Variants in RBM20 observed in about 807,000 individuals in gnomAD.
The protein encoded by RBM20 is RNA binding motif protein 20, also known as RNA-binding protein 20.
RBM20 carries 51 observed loss-of-function variants against 110.1 expected under a neutral mutation model. The observed-to-expected ratio is 0.46, with a 90% CI of 0.37 to 0.59. The LOEUF is 0.59. Ranked by LOEUF, RBM20 falls within the 20% of genes least tolerant of loss-of-function variation. The pLI, the probability that RBM20 is intolerant of heterozygous loss-of-function variation, is 0.00. For synonymous variants in RBM20, 589 were observed against 618.2 expected, an observed-to-expected ratio of 0.95 and a Z score of 0.70; for missense variants, 1,512 against 1,574.9, an observed-to-expected ratio of 0.96 and a Z score of 0.68.
chr10:110,732,799 C>T (rs147954981), intron 1 of RBM20, among the ~76,000 whole-genome samples: 2 of 152,260 alleles, frequency 1.3e-5, no homozygotes, highest in East Asian at 1.9e-4. Flanking sequence ...GAAGACCTCA[C>T]TGGAAATCAT....
intron 1 of RBM20, among the ~76,000 whole-genome samples, chr10:110,649,884 A>G (rs1186559642): frequency 6.6e-6 from 1 of 152,194 alleles, no homozygotes; most frequent in Non-Finnish European, 1.5e-5. Context: ...CTGGATGCCT[A>G]ATACTGCATG....
rs546106850 is a variant in RBM20, at chr10:110,755,432, A to G, written c.192-25369A>G. ...TCAGCTCTTCAGTGTTTTTATGGTT[A>G]CTTACTCAGAGTTGTTTTTAGCTGA... On this transcript the variant is annotated intron_variant, in intron 1 of 13. Transcript: ENST00000369519. 2.6e-5 allele frequency among the ~76,000 whole-genome samples: 4 copies of G among 152,296 alleles called. No homozygotes were observed. The East Asian group carries it at 7.7e-4, about 29-fold the overall frequency.
chr10:110,763,677 T>C (rs1844037715), intron 1 of RBM20, among the ~76,000 whole-genome samples: 1 of 151,996 alleles, frequency 6.6e-6, no homozygotes. Flanking sequence ...AAAAGTTACA[T>C]TTCTAAGTAA....
At chr10:110,789,610 C>T (rs1008788871) in intron 5 of RBM20, among the ~76,000 whole-genome samples, 2 of 152,162 alleles carry the variant, frequency 1.3e-5, no homozygotes, top group Non-Finnish European at 2.9e-5. Flanking sequence ...GCATGTGCCA[C>T]CAGACTCAGC....
At chr10:110,803,939 C>T (rs1323438609) in intron 7 of RBM20, among the ~76,000 whole-genome samples, 2 of 151,284 alleles carry the variant, frequency 1.3e-5, no homozygotes, top group African/African-American at 4.9e-5. Flanking sequence ...CTTGGTTTCT[C>T]TCCACGCTGC....
intron 1 of RBM20, among the ~76,000 whole-genome samples, chr10:110,693,369 A>G (rs1028608730): frequency 1.9e-4 from 29 of 152,178 alleles, no homozygotes; most frequent in African/African-American, 7.0e-4. Flanking sequence ...GGTAGAATTT[A>G]CCAGTGAAGC....
intron 13 of RBM20, 92 bp from the exon 14 acceptor site, chr10:110,835,776 A>G: frequency 7.7e-7 from 1 of 1,299,474 alleles, no homozygotes; most frequent in Non-Finnish European, 1.1e-6. Flanking sequence ...AGATGCCAGG[A>G]GAGGGATGAT....
At chr10:110,705,716 A>T (rs1862827476) in intron 1 of RBM20, among the ~76,000 whole-genome samples, 1 of 152,236 alleles carries the variant, frequency 6.6e-6, no homozygotes, top group Admixed American at 6.5e-5. Context: ...GGTTGCAATA[A>T]TTGTTTGGAA....
At chr10:110,827,715 G>A (rs929808790) in intron 12 of RBM20, 2 of 152,256 alleles carry the variant, frequency 1.3e-5, no homozygotes, top group African/African-American at 4.8e-5. Flanking sequence ...GGCTTCCAGT[G>A]GGAGGTACTT....
intron 1 of RBM20, among the ~76,000 whole-genome samples, chr10:110,702,731 G>C (rs1862777970): frequency 6.6e-6 from 1 of 152,158 alleles, no homozygotes; most frequent in Admixed American, 6.5e-5. Context: ...GAGAGCTCTG[G>C]ATCCAGACTG....
intron 7 of RBM20, among the ~76,000 whole-genome samples, chr10:110,810,181 A>G (rs565502403): frequency 6.6e-6 from 1 of 152,254 alleles, no homozygotes; most frequent in Admixed American, 6.5e-5. Flanking sequence ...TGGACCACTC[A>G]GTGTTCTCTG....
intron 1 of RBM20, among the ~76,000 whole-genome samples, chr10:110,709,526 C>T (rs966634232): frequency 3.3e-5 from 5 of 150,698 alleles, no homozygotes; most frequent in African/African-American, 1.2e-4. Context: ...GGCCCTGGCA[C>T]ATCTTAAACA....
intron 1 of RBM20, among the ~76,000 whole-genome samples, chr10:110,755,001 C>A (rs1033903289): frequency 1.3e-5 from 2 of 152,188 alleles, no homozygotes; most frequent in African/African-American, 4.8e-5. Context: ...TTTGGAGTCA[C>A]TACAAATGAA....
At chr10:110,780,127 T>C (rs1358703986) in intron 1 of RBM20, among the ~76,000 whole-genome samples, 1 of 152,198 alleles carries the variant, frequency 6.6e-6, no homozygotes, top group Non-Finnish European at 1.5e-5. Flanking sequence ...TGTCTTAAGC[T>C]TGGTGCTGTG....
At chr10:110,833,753 A>G (rs1845088184) in intron 13 of RBM20, among the ~76,000 whole-genome samples, 1 of 152,188 alleles carries the variant, frequency 6.6e-6, no homozygotes, top group Non-Finnish European at 1.5e-5. Flanking sequence ...GTAGTTCTCA[A>G]GTGCATTGGG....
At chr10:110,804,666 CT>C (rs1379162679) in intron 7 of RBM20, among the ~76,000 whole-genome samples, 1 of 152,172 alleles carries the variant, frequency 6.6e-6, no homozygotes, top group East Asian at 1.9e-4. Flanking sequence ...AAGAGAAAAT[CT>C]GAAGGAACAA....
chr10:110,670,022 C>A (rs1430968870), intron 1 of RBM20, among the ~76,000 whole-genome samples: 1 of 152,110 alleles, frequency 6.6e-6, no homozygotes, highest in Admixed American at 6.5e-5. Context: ...CATGACCCAA[C>A]TTTATTTAGT....
At chr10:110,654,495 TC>T (rs765266809) in intron 1 of RBM20, among the ~76,000 whole-genome samples, 12 of 152,250 alleles carry the variant, frequency 7.9e-5, no homozygotes, top group Non-Finnish European at 1.3e-4. Context: ...TTTTTGGGTA[TC>T]CTCTTGAAGT....
At chr10:110,763,483 C>A (rs1473575212) in intron 1 of RBM20, among the ~76,000 whole-genome samples, 1 of 152,110 alleles carries the variant, frequency 6.6e-6, no homozygotes, top group Non-Finnish European at 1.5e-5. Context: ...CTGTCCCAGA[C>A]AGGACAAATT....
Sources: allele counts gnomAD v4.1 joint callset (sites outside exome capture counted in the v4.1 genomes callset), GRCh38; gene constraint gnomAD v4.1.1; transcripts MANE v1.5; gene names NCBI Gene and HGNC (gene_info 2026-07-23, HGNC 2026-07-21).